KCND2: variants seen among roughly 807,000 people sequenced by gnomAD.
The protein encoded by KCND2 is potassium voltage-gated channel subfamily D member 2.
In KCND2, 16 loss-of-function variants were observed where a neutral mutation model predicts 54.4. The observed-to-expected ratio is 0.29, with a 90% CI of 0.20 to 0.45. The LOEUF (loss-of-function observed/expected upper bound fraction) is 0.45, where lower values mean the gene tolerates loss of function less well. Ranked by LOEUF, KCND2 falls within the 20% of genes least tolerant of loss-of-function variation. The probability of loss-of-function intolerance (pLI) is 1.00; values close to 1 mark genes in which losing one functional copy is unlikely to be tolerated. For synonymous variants in KCND2, 317 were observed against 310.7 expected, an observed-to-expected ratio of 1.02 and a Z score of -0.21; for missense variants, 486 against 824.2, an observed-to-expected ratio of 0.59 and a Z score of 5.02.
intron 1 of KCND2, among the ~76,000 whole-genome samples, chr7:120,553,805 A>T: frequency 6.6e-6 from 1 of 152,332 alleles, no homozygotes; most frequent in East Asian, 1.9e-4. Flanking sequence ...ACAGGAGAAA[A>T]CGAGATTTCT....
chr7:120,377,456 A>T (rs1800849434), intron 1 of KCND2, among the ~76,000 whole-genome samples: 1 of 151,840 alleles, frequency 6.6e-6, no homozygotes, highest in South Asian at 2.1e-4. Context: ...AAAATATTCC[A>T]TTTAATCATT....
chr7:120,275,440 A>T lies in KCND2; in HGVS notation c.808A>T (p.Ile270Phe). The change falls in exon 1 of 6, where the codon ATC becomes TTC. Residue 270 changes from isoleucine (I) to phenylalanine (F), a missense_variant. Physicochemically the swap from Ile to Phe is conservative, Grantham distance 21 (BLOSUM62 0). This residue lies in a region of KCND2 where 231 missense variants were observed against 386.0 expected (regional missense o/e 0.60). Coordinates refer to ENST00000331113, the MANE Select transcript of KCND2 (RefSeq NM_012281.3). ...SVMSIIDVVAILPYYIGLVMT... is the reference protein window; with the variant it reads ...SVMSIIDVVAFLPYYIGLVMT... ...CATGAGTATCATCGACGTGGTGGCC[A>T]TCCTGCCTTATTACATTGGGCTGGT... 1 of 1,613,744 alleles carries T rather than the reference A, an allele frequency of 6.2e-7. No individual in the cohort carries two copies. Among genetic ancestry groups the T allele is most frequent in the East Asian group, 2.2e-5 (1 of 44,846 alleles).
chr7:120,641,048 A>G (rs1424159608), intron 1 of KCND2, among the ~76,000 whole-genome samples: 1 of 152,232 alleles, frequency 6.6e-6, no homozygotes, highest in Non-Finnish European at 1.5e-5. Flanking sequence ...CAGGAGGACT[A>G]TAGAATGAAG....
chr7:120,388,876 A>G (rs1163727977), intron 1 of KCND2, among the ~76,000 whole-genome samples: 3 of 118,464 alleles, frequency 2.5e-5, no homozygotes, highest in Non-Finnish European at 1.8e-5. Context: ...ACTTTATATC[A>G]TTTATATATA....
intron 1 of KCND2, among the ~76,000 whole-genome samples, chr7:120,611,912 C>G (rs115955486): frequency 6.6e-6 from 1 of 152,132 alleles, no homozygotes; most frequent in Non-Finnish European, 1.5e-5. Flanking sequence ...TTAGACTCCA[C>G]GGGTAGTACT....
chr7:120,672,991 G>A (rs990072436), intron 1 of KCND2: 5 of 147,464 alleles, frequency 3.4e-5, no homozygotes, highest in Non-Finnish European at 4.5e-5. Flanking sequence ...GAGAAAGAAA[G>A]AGAGAGAGAG....
intron 1 of KCND2, among the ~76,000 whole-genome samples, chr7:120,542,408 AT>A (rs1376026274): frequency 6.6e-6 from 1 of 152,148 alleles, no homozygotes; most frequent in Non-Finnish European, 1.5e-5. Context: ...AAATAAATTG[AT>A]TTATTTTATT....
At chr7:120,524,578 CAAT>C (rs1225233584) in intron 1 of KCND2, among the ~76,000 whole-genome samples, 7 of 151,984 alleles carry the variant, frequency 4.6e-5, no homozygotes, top group African/African-American at 9.7e-5. Flanking sequence ...TCTTAATTCA[CAAT>C]AATGACAGAA....
intron 1 of KCND2, among the ~76,000 whole-genome samples, chr7:120,712,365 G>C (rs1792552077): frequency 1.4e-5 from 2 of 138,582 alleles, no homozygotes; most frequent in Admixed American, 7.9e-5. Context: ...CCCAGTTCAA[G>C]TGATTCTCCT....
At chr7:120,309,716 T>C (rs976181416) in intron 1 of KCND2, among the ~76,000 whole-genome samples, 1 of 151,986 alleles carries the variant, frequency 6.6e-6, no homozygotes, top group African/African-American at 2.4e-5. Context: ...TCTTATGTTA[T>C]GGACTTCTCT....
At chr7:120,595,612 T>TATATATATATAC (rs1491578174) in intron 1 of KCND2, among the ~76,000 whole-genome samples, 1 of 142,538 alleles carries the variant, frequency 7.0e-6, no homozygotes, top group African/African-American at 2.6e-5. Flanking sequence ...TATATATATA[T>TATATATATATAC]ACACCAGAAC....
intron 1 of KCND2, among the ~76,000 whole-genome samples, chr7:120,289,395 G>C (rs1460745274): frequency 6.6e-6 from 1 of 151,686 alleles, no homozygotes; most frequent in South Asian, 2.1e-4. Flanking sequence ...AAACAGCCAG[G>C]GCTAACCAAC....
chr7:120,377,810 C>G (rs1479534840), intron 1 of KCND2, among the ~76,000 whole-genome samples: 1 of 151,910 alleles, frequency 6.6e-6, no homozygotes, highest in South Asian at 2.1e-4. Flanking sequence ...CCCAGTCTAT[C>G]CACCCAGAAA....
intron 1 of KCND2, among the ~76,000 whole-genome samples, chr7:120,704,796 A>G (rs540215709): frequency 6.6e-6 from 1 of 152,246 alleles, no homozygotes; most frequent in South Asian, 2.1e-4. Flanking sequence ...TACTCCATTT[A>G]TCTAAGTTTT....
At chr7:120,502,422 C>G (rs1802950306) in intron 1 of KCND2, among the ~76,000 whole-genome samples, 1 of 151,984 alleles carries the variant, frequency 6.6e-6, no homozygotes, top group Non-Finnish European at 1.5e-5. Context: ...CAAGAAGGCT[C>G]TATCTTCCCT....
At chr7:120,534,320 T>A (rs1791876802) in intron 1 of KCND2, among the ~76,000 whole-genome samples, 2 of 152,148 alleles carry the variant, frequency 1.3e-5, no homozygotes, top group South Asian at 4.1e-4. Context: ...AATACTTACC[T>A]CCTTACCTAC....
intron 1 of KCND2, among the ~76,000 whole-genome samples, chr7:120,700,903 T>C (rs1792392535): frequency 6.6e-6 from 1 of 152,094 alleles, no homozygotes; most frequent in Non-Finnish European, 1.5e-5. Context: ...GATAGAAGTA[T>C]ATTTGACTCT....
At chr7:120,692,297 A>G (rs1792279464) in intron 1 of KCND2, among the ~76,000 whole-genome samples, 1 of 152,232 alleles carries the variant, frequency 6.6e-6, no homozygotes, top group Non-Finnish European at 1.5e-5. Flanking sequence ...TGGCTGAATA[A>G]TCTGTACCAA....
intron 1 of KCND2, among the ~76,000 whole-genome samples, chr7:120,377,197 CCTT>C (rs901213543): frequency 1.1e-4 from 16 of 151,788 alleles, no homozygotes; most frequent in African/African-American, 3.4e-4. Flanking sequence ...TGACTTAACT[CCTT>C]CTGAGGATTT....
Sources: gnomAD v4.1 joint callset for allele counts (sites outside exome capture counted in the v4.1 genomes callset) on GRCh38, gnomAD v4.1.1 for gene constraint, gnomAD v4.1.1 regional missense constraint, MANE v1.5 for transcripts, NCBI Gene and HGNC (gene_info 2026-07-23, HGNC 2026-07-21) for gene names.